The following KLF12 variants were observed in gnomAD, a reference collection of about 807,000 sequenced individuals.
The protein encoded by KLF12 is Krueppel-like factor 12.
A neutral mutation model predicts 37.8 loss-of-function variants in KLF12; 9 were observed. That is an observed-to-expected ratio of 0.24 (90% CI 0.14 to 0.42). The LOEUF is 0.42. Ranked by LOEUF, KLF12 falls within the 10% of genes least tolerant of loss-of-function variation. The pLI, the probability that KLF12 is intolerant of heterozygous loss-of-function variation, is 1.00. For missense variants in KLF12, 411 were observed against 516.0 expected (o/e 0.80, Z 1.97); for synonymous variants, 208 against 202.1 (o/e 1.03, Z -0.25).
intron 6 of KLF12, among the ~76,000 whole-genome samples, chr13:73,718,636 T>C (rs375361472): frequency 7.2e-5 from 11 of 152,324 alleles, no homozygotes; most frequent in African/African-American, 2.6e-4. Context: ...CTCACACCAG[T>C]AATCCCAGCA....
chr13:74,002,838 A>G (rs1231354841), intron 1 of KLF12, among the ~76,000 whole-genome samples: 1 of 152,234 alleles, frequency 6.6e-6, no homozygotes, highest in African/African-American at 2.4e-5. Flanking sequence ...CAATTCACAC[A>G]TGAACTGCCT....
intron 2 of KLF12, among the ~76,000 whole-genome samples, chr13:73,974,474 A>C (rs1269800662): frequency 6.6e-6 from 1 of 152,208 alleles, no homozygotes; most frequent in Non-Finnish European, 1.5e-5. Context: ...AGAATTTCAC[A>C]AGGCCAAATA....
chr13:74,104,320 C>A (rs1033004703), intron 1 of KLF12, among the ~76,000 whole-genome samples: 1 of 152,196 alleles, frequency 6.6e-6, no homozygotes, highest in African/African-American at 2.4e-5. Context: ...TCAACCGTAA[C>A]TGTACAGCTC....
chr13:73,695,391 T>C lies in KLF12; in HGVS notation c.*99A>G, dbSNP rs1017555611. ...GGTTTCAGACATCGTGGGATGGTGA[T>C]GCCCTTTTGTGTTAACACTGTGAAG... On this transcript the variant is annotated 3_prime_UTR_variant, in exon 8 of 8. Coordinates refer to ENST00000377669, the MANE Select transcript of KLF12 (RefSeq NM_007249.5). 9 of 1,141,246 alleles carry C rather than the reference T, an allele frequency of 7.9e-6. No homozygotes were observed. Among genetic ancestry groups the C allele is most frequent in the Non-Finnish European group, 1.0e-5 (8 of 788,992 alleles). 70.7% of individuals were successfully genotyped at this position (1,141,246 alleles called of 1,614,324 possible).
chr13:74,127,191 C>A (rs1219829269), intron 1 of KLF12, among the ~76,000 whole-genome samples: 2 of 152,118 alleles, frequency 1.3e-5, no homozygotes, highest in African/African-American at 4.8e-5. Context: ...TTTAAGAGAG[C>A]CATCAATACA....
chr13:73,984,911 G>A (rs1320060563), intron 2 of KLF12, among the ~76,000 whole-genome samples: 5 of 152,212 alleles, frequency 3.3e-5, no homozygotes, highest in African/African-American at 7.2e-5. Context: ...AGGGGTGGGG[G>A]ATATGTCCCC....
chr13:73,844,558 A>C (rs1214256113), intron 4 of KLF12: 1 of 152,220 alleles, frequency 6.6e-6, no homozygotes, highest in Non-Finnish European at 1.5e-5. Context: ...TAGTTTGATT[A>C]AACTAGGAAG....
intron 4 of KLF12, among the ~76,000 whole-genome samples, chr13:73,831,880 A>AT (rs1007261263): frequency 6.6e-5 from 10 of 152,250 alleles, no homozygotes; most frequent in African/African-American, 2.4e-4. Flanking sequence ...TTGGGCATCC[A>AT]TAAAAATCTA....
chr13:74,067,106 C>T (rs935969018), intron 1 of KLF12, among the ~76,000 whole-genome samples: 6 of 152,078 alleles, frequency 3.9e-5, no homozygotes, highest in African/African-American at 1.4e-4. Context: ...TTTAGCAGGT[C>T]AAGTACAAAC....
the KLF12 span, among the ~76,000 whole-genome samples, chr13:74,280,440 T>A: frequency 6.6e-6 from 1 of 152,118 alleles, no homozygotes; most frequent in African/African-American, 2.4e-5. Flanking sequence ...TGCCTTATTA[T>A]CTGATTTACC....
intron 3 of KLF12, among the ~76,000 whole-genome samples, chr13:73,888,965 A>G (rs1271328829): frequency 6.6e-6 from 1 of 152,242 alleles, no homozygotes; most frequent in Non-Finnish European, 1.5e-5. Flanking sequence ...GTGTTCCTAT[A>G]AATCTCCTAC....
chr13:74,038,376 G>A (rs1437145305), intron 1 of KLF12, among the ~76,000 whole-genome samples: 4 of 152,194 alleles, frequency 2.6e-5, no homozygotes, highest in African/African-American at 9.7e-5. Flanking sequence ...ACATACTGCT[G>A]CCTAGCATTG....
At chr13:73,752,205 A>G (rs1396141764) in intron 6 of KLF12, among the ~76,000 whole-genome samples, 1 of 150,782 alleles carries the variant, frequency 6.6e-6, no homozygotes, top group Admixed American at 6.6e-5. Flanking sequence ...CTGGTCTTGA[A>G]CTCCTGAGCT....
the KLF12 span, among the ~76,000 whole-genome samples, chr13:74,180,762 A>G: frequency 6.6e-6 from 1 of 152,150 alleles, no homozygotes; most frequent in African/African-American, 2.4e-5. Context: ...GGAATAATAA[A>G]TTATAAATAT....
At chr13:74,091,116 C>T (rs930896065) in intron 1 of KLF12, among the ~76,000 whole-genome samples, 10 of 152,060 alleles carry the variant, frequency 6.6e-5, no homozygotes. Context: ...ACCAAGATCA[C>T]TGTATGAAAA....
the KLF12 span, among the ~76,000 whole-genome samples, chr13:74,163,980 A>G: frequency 6.6e-6 from 1 of 152,164 alleles, no homozygotes; most frequent in African/African-American, 2.4e-5. Flanking sequence ...ATAAGGACAG[A>G]AAATAATAAG....
At chr13:73,850,266 T>C (rs898796594) in intron 3 of KLF12, among the ~76,000 whole-genome samples, 13 of 152,178 alleles carry the variant, frequency 8.5e-5, no homozygotes, top group Non-Finnish European at 1.8e-4. Context: ...CCAGTGAACA[T>C]GTTTTTTTTG....
At chr13:74,009,561 G>C (rs1373227316) in intron 1 of KLF12, among the ~76,000 whole-genome samples, 2 of 152,164 alleles carry the variant, frequency 1.3e-5, no homozygotes, top group African/African-American at 4.8e-5. Context: ...TTGTTCTGTA[G>C]GCAGCAGTCA....
intron 5 of KLF12, among the ~76,000 whole-genome samples, chr13:73,793,513 C>T (rs1403019877): frequency 6.6e-6 from 1 of 152,184 alleles, no homozygotes; most frequent in Non-Finnish European, 1.5e-5. Flanking sequence ...TTATAGTTGA[C>T]AAAGTCCTTT....
Sources: gnomAD v4.1 joint callset for allele counts (sites outside exome capture counted in the v4.1 genomes callset) on GRCh38, gnomAD v4.1.1 for gene constraint, MANE v1.5 for transcripts, NCBI Gene and HGNC (gene_info 2026-07-23, HGNC 2026-07-21) for gene names.